Variants in SHANK2 observed in about 807,000 individuals in gnomAD.
SHANK2 encodes SH3 and multiple ankyrin repeat domains protein 2.
In SHANK2, 43 loss-of-function variants were observed where a neutral mutation model predicts 133.7. The observed-to-expected ratio is 0.32, with a 90% CI of 0.25 to 0.41. The LOEUF (loss-of-function observed/expected upper bound fraction) is 0.41. SHANK2 is among the 10% of genes least tolerant of loss of function. SHANK2 has a pLI of 1.00. For missense variants in SHANK2, 1,994 were observed against 2,235.8 expected (o/e 0.89, Z 2.18); for synonymous variants, 1,017 against 952.8 (o/e 1.07, Z -1.24).
At chr11:70,509,436 C>T (rs2059172882) in intron 17 of SHANK2, among the ~76,000 whole-genome samples, 1 of 115,774 alleles carries the variant, frequency 8.6e-6, no homozygotes, top group African/African-American at 2.5e-5. Context: ...TCCCATTTAT[C>T]CCATTGAGGG....
rs1484017265 is a variant in SHANK2 at position 70,469,369 on chromosome 11, G to A, written c.*3500C>T. 6.6e-6 allele frequency: 1 copy of A among 152,632 alleles called. No homozygotes were observed. Among genetic ancestry groups the A allele is most frequent in the Non-Finnish European group, 1.5e-5 (1 of 68,032 alleles). 9.5% of individuals were successfully genotyped at this position (152,632 alleles called of 1,614,324 possible). A position where few individuals can be genotyped will look rare whatever the true frequency, so the allele number is the denominator to read the frequency against. The stretch of plus-strand genomic sequence containing the variant: ...TGAGATAATCTACATTAGATTGCAA[G>A]TCGGGCAGCTTTTTGTTTAATTCAG... On this transcript the variant is annotated 3_prime_UTR_variant, in exon 26 of 26. Coordinates refer to ENST00000601538, the MANE Select transcript of SHANK2 (RefSeq NM_012309.5).
At chr11:70,744,737 TG>T (rs1248853357) in intron 14 of SHANK2, among the ~76,000 whole-genome samples, 10 of 152,216 alleles carry the variant, frequency 6.6e-5, no homozygotes, top group Admixed American at 6.5e-4. Flanking sequence ...CGAAGTTTCT[TG>T]GGGCCAATAG....
At chr11:70,815,722 G>A (rs781997237) in intron 12 of SHANK2, among the ~76,000 whole-genome samples, 1 of 152,208 alleles carries the variant, frequency 6.6e-6, no homozygotes, top group Admixed American at 6.5e-5. Context: ...CAGGAGTCCC[G>A]GTGGGGGCCC....
intron 10 of SHANK2, chr11:70,948,244 C>A: frequency 2.2e-6 from 1 of 456,686 alleles, no homozygotes; most frequent in Non-Finnish European, 4.4e-6. Context: ...TATTTTTCTT[C>A]CTGTCATTTA....
chr11:70,859,515 G>A (rs1212290042), intron 11 of SHANK2, among the ~76,000 whole-genome samples: 15 of 152,110 alleles, frequency 9.9e-5, no homozygotes, highest in Non-Finnish European at 1.9e-4. Context: ...GGGTAGGATG[G>A]ATGGGTGAGT....
At chr11:70,888,261 C>T (rs1330755781) in intron 11 of SHANK2, among the ~76,000 whole-genome samples, 1 of 152,020 alleles carries the variant, frequency 6.6e-6, no homozygotes, top group African/African-American at 2.4e-5. Context: ...AGCCACATGG[C>T]CACCCACGAT....
chr11:70,862,351 AAGG>A (rs1949272965), intron 11 of SHANK2, among the ~76,000 whole-genome samples: 1 of 152,176 alleles, frequency 6.6e-6, no homozygotes, highest in African/African-American at 2.4e-5. Context: ...TTGTAGGTGA[AAGG>A]AGTAGAATGT....
At chr11:71,086,320 GTT>G (rs1951415060) in intron 8 of SHANK2, among the ~76,000 whole-genome samples, 1 of 116,282 alleles carries the variant, frequency 8.6e-6, no homozygotes, top group African/African-American at 3.5e-5. Flanking sequence ...TATAGTATAT[GTT>G]ATATTATATA....
chr11:71,103,000 C>T (rs1951741092), intron 6 of SHANK2, among the ~76,000 whole-genome samples: 1 of 152,238 alleles, frequency 6.6e-6, no homozygotes, highest in Non-Finnish European at 1.5e-5. Context: ...TGTGACCTCA[C>T]CTCACAAAGT....
At chr11:71,078,492 A>G (rs1951249415) in intron 8 of SHANK2, among the ~76,000 whole-genome samples, 1 of 152,216 alleles carries the variant, frequency 6.6e-6, no homozygotes, top group African/African-American at 2.4e-5. Context: ...GGGTATGAGA[A>G]AACAGATTTT....
intron 2 of SHANK2, among the ~76,000 whole-genome samples, chr11:71,216,017 C>A (rs10792551): frequency 0.46 from 68,560 of 147,980 alleles, 18,332 homozygotes; most frequent in East Asian, 0.61. Context: ...CCTCATCCGA[C>A]GCTGGAGAGG....
intron 1 of SHANK2, among the ~76,000 whole-genome samples, chr11:71,226,116 C>T (rs1288557384): frequency 6.6e-6 from 1 of 152,016 alleles, no homozygotes; most frequent in African/African-American, 2.4e-5. Flanking sequence ...AGTGAAACTC[C>T]ATCTTACAAA....
At chr11:71,105,611 A>T (rs1010582264) in intron 6 of SHANK2, among the ~76,000 whole-genome samples, 2 of 149,584 alleles carry the variant, frequency 1.3e-5, no homozygotes, top group Non-Finnish European at 3.0e-5. Context: ...AAAAAAAAAA[A>T]AAAGAAAGGG....
At chr11:71,251,266 A>G (rs1555125805) in intron 1 of SHANK2, among the ~76,000 whole-genome samples, 1 of 151,870 alleles carries the variant, frequency 6.6e-6, no homozygotes, top group Non-Finnish European at 1.5e-5. Flanking sequence ...GCGCCCACCC[A>G]CCTCGAGCAG....
chr11:71,198,603 G>C (rs1026616870), intron 2 of SHANK2, among the ~76,000 whole-genome samples: 1 of 152,164 alleles, frequency 6.6e-6, no homozygotes, highest in Admixed American at 6.5e-5. Flanking sequence ...CCCCGCAGAC[G>C]CCGTCCCCTA....
At chr11:70,861,022 G>C (rs1206819095) in intron 11 of SHANK2, among the ~76,000 whole-genome samples, 3 of 152,220 alleles carry the variant, frequency 2.0e-5, no homozygotes, top group Admixed American at 2.0e-4. Context: ...GGCACACGGG[G>C]AGCAGCGCTG....
chr11:70,720,904 T>C (rs535765781), intron 14 of SHANK2, among the ~76,000 whole-genome samples: 3 of 152,252 alleles, frequency 2.0e-5, no homozygotes, highest in Admixed American at 2.0e-4. Flanking sequence ...TACACACATG[T>C]TGGGGAGGAA....
At chr11:70,877,614 G>A (rs1329760932) in intron 11 of SHANK2, among the ~76,000 whole-genome samples, 2 of 152,134 alleles carry the variant, frequency 1.3e-5, no homozygotes, top group East Asian at 1.9e-4. Flanking sequence ...CTCTACCAAG[G>A]GCCTGATAGA....
At chr11:70,743,341 A>G (rs2134826639) in intron 14 of SHANK2, among the ~76,000 whole-genome samples, 1 of 152,290 alleles carries the variant, frequency 6.6e-6, no homozygotes, top group Non-Finnish European at 1.5e-5. Flanking sequence ...GGAGGAGGTC[A>G]TGAGGGTGGG....
Sources: gnomAD v4.1 joint callset for allele counts (sites outside exome capture counted in the v4.1 genomes callset) on GRCh38, gnomAD v4.1.1 for gene constraint, MANE v1.5 for transcripts, NCBI Gene and HGNC (gene_info 2026-07-23, HGNC 2026-07-21) for gene names.